ADGRV1: variants seen among roughly 807,000 people sequenced by gnomAD.
ADGRV1 encodes the protein adhesion G protein-coupled receptor V1, also known as G-protein coupled receptor 98.
Under a neutral mutation model 596.2 loss-of-function variants are expected in ADGRV1, and 359 were observed. That is an observed-to-expected ratio of 0.60 (90% confidence interval 0.55 to 0.66). The LOEUF is 0.66. Among genes scored for constraint, ADGRV1 ranks in the 30% least tolerant of loss-of-function variants. The probability of loss-of-function intolerance (pLI) is 0.00; values close to 1 mark genes in which losing one functional copy is unlikely to be tolerated. For synonymous variants in ADGRV1, 2,681 were observed against 2,679.2 expected, an observed-to-expected ratio of 1.00 and a Z score of -0.02; for missense variants, 7,274 against 7,575.6, an observed-to-expected ratio of 0.96 and a Z score of 1.48.
chr5:90,648,668 TTTC>T (rs1243549775), intron 17 of ADGRV1, among the ~76,000 whole-genome samples: 5 of 152,232 alleles, frequency 3.3e-5, no homozygotes, highest in Non-Finnish European at 7.3e-5. Flanking sequence ...TCTCTTTGAC[TTTC>T]TTCATTGCTG....
chr5:90,709,085 AC>A, intron 39 of ADGRV1, among the ~76,000 whole-genome samples, 176 bp downstream of exon 39: 1 of 152,306 alleles, frequency 6.6e-6, no homozygotes, highest in Non-Finnish European at 1.5e-5. Context: ...TTTACAATGA[AC>A]AATGTAAAGA....
intron 77 of ADGRV1, among the ~76,000 whole-genome samples, chr5:90,835,898 C>A (rs1465385818): frequency 6.6e-6 from 1 of 152,092 alleles, no homozygotes; most frequent in Non-Finnish European, 1.5e-5. Flanking sequence ...AAGGAAAGAA[C>A]TTTGGAACAT....
intron 13 of ADGRV1, 85 bp from the exon 14 acceptor site, chr5:90,643,718 A>G (rs2149432842): frequency 9.7e-7 from 1 of 1,035,032 alleles, no homozygotes; most frequent in Non-Finnish European, 1.4e-6. Context: ...CTTTGAGTAT[A>G]TTAATATTCT....
At chr5:90,643,213 C>G (rs1431571016) in intron 13 of ADGRV1, among the ~76,000 whole-genome samples, 172 bp downstream of exon 13, 1 of 152,082 alleles carries the variant, frequency 6.6e-6, no homozygotes, top group Non-Finnish European at 1.5e-5. Context: ...AAAATGAAGA[C>G]TCATTCATAT....
intron 84 of ADGRV1, 30 bp from the exon 85 acceptor site, chr5:90,985,314 C>T (rs1034616058): frequency 1.3e-6 from 2 of 1,529,320 alleles, no homozygotes; most frequent in African/African-American, 2.7e-5. Context: ...AAAGAAGAGC[C>T]TGTTCATTTT....
chr5:90,917,327 A>G (rs1177199834), intron 83 of ADGRV1, among the ~76,000 whole-genome samples: 1 of 152,250 alleles, frequency 6.6e-6, no homozygotes. Context: ...AGAGAGATGT[A>G]TACAGTGATG....
chr5:91,108,940 A>G (rs1275507478), intron 87 of ADGRV1, among the ~76,000 whole-genome samples: 1 of 152,108 alleles, frequency 6.6e-6, no homozygotes, highest in Non-Finnish European at 1.5e-5. Context: ...AAGTAAGAAA[A>G]TCTTGATCAC....
Position 90,807,735 on chromosome 5 carries a change from C to G in ADGRV1, c.14970C>G (p.Leu4990=), listed in dbSNP as rs368420512. ...VQSSAPGGAQ[L]RSGFIVAEIE... is the part of the protein sequence containing the mutation. ...GCAGTGCTCCTGGCGGAGCTCAACT[C>G]CGGTAAGACCAACCTCATTCTCACC... The change falls in exon 73 of 90, where the codon CTC becomes CTG. Residue 4990 remains leucine, a splice_region_variant and synonymous_variant. Coordinates refer to ENST00000405460, the MANE Select transcript of ADGRV1 (RefSeq NM_032119.4). 1 of 1,542,462 alleles carries G rather than the reference C, an allele frequency of 6.5e-7. No individual in the cohort carries two copies.
At chr5:90,858,942 C>T (rs954789622) in intron 82 of ADGRV1, among the ~76,000 whole-genome samples, 1 of 152,158 alleles carries the variant, frequency 6.6e-6, no homozygotes. Flanking sequence ...TCTAAAAAGC[C>T]ACCCAAAATG....
At chr5:90,699,687 G>C (rs765959023) in intron 34 of ADGRV1, among the ~76,000 whole-genome samples, 1 of 152,150 alleles carries the variant, frequency 6.6e-6, no homozygotes, top group Non-Finnish European at 1.5e-5. Context: ...TGGTGAGTTG[G>C]AGGGCTCTGA....
intron 83 of ADGRV1, among the ~76,000 whole-genome samples, chr5:90,929,053 T>C (rs917815151): frequency 1.3e-4 from 20 of 150,994 alleles, no homozygotes; most frequent in African/African-American, 2.9e-4. Flanking sequence ...GACAGGGACA[T>C]TTAAGTCTGC....
intron 85 of ADGRV1, among the ~76,000 whole-genome samples, chr5:90,994,505 A>C (rs1418455614): frequency 1.3e-5 from 2 of 152,234 alleles, no homozygotes; most frequent in Admixed American, 6.5e-5. Flanking sequence ...TTTTGAACAT[A>C]ATTAAAATAG....
intron 85 of ADGRV1, among the ~76,000 whole-genome samples, chr5:91,038,747 A>G (rs1785105339): frequency 6.6e-6 from 1 of 152,218 alleles, no homozygotes; most frequent in African/African-American, 2.4e-5. Flanking sequence ...CCAGAGCCCT[A>G]AGAACTAACT....
At chr5:90,656,182 G>A (rs1175241135) in intron 20 of ADGRV1, among the ~76,000 whole-genome samples, 1 of 152,162 alleles carries the variant, frequency 6.6e-6, no homozygotes. Flanking sequence ...ATTAGTCATA[G>A]AAGCAAAGTG....
At chr5:90,920,484 T>C (rs953019865) in intron 83 of ADGRV1, among the ~76,000 whole-genome samples, 4 of 152,214 alleles carry the variant, frequency 2.6e-5, no homozygotes, top group African/African-American at 9.6e-5. Flanking sequence ...CTTTTCATTA[T>C]TTTACATTCA....
intron 86 of ADGRV1, among the ~76,000 whole-genome samples, chr5:91,096,875 A>G (rs1393237017): frequency 6.6e-6 from 1 of 152,084 alleles, no homozygotes; most frequent in Non-Finnish European, 1.5e-5. Context: ...ATAACTCACT[A>G]TTCTGCACTC....
In ADGRV1 at chr5:91,142,132, G is replaced by C. The variant is rs542107174; in HGVS notation, c.18433-7898G>C. Among the ~76,000 whole-genome samples the C allele has an allele frequency of 2.0e-5, 3 of 152,240 alleles. No homozygotes were observed. In the East Asian group the frequency reaches 5.8e-4, roughly 29 times the overall value. ...TAGCTATAGTGGTGATAGAATTAGA[G>C]GACTGAAACCAACACATCCCTCAGA... On this transcript the variant is annotated intron_variant, in intron 87 of 89. Transcript: ENST00000405460.
chr5:90,804,982 A>G (rs201661377), intron 71 of ADGRV1: 1 of 196,650 alleles, frequency 5.1e-6, no homozygotes, highest in African/African-American at 2.3e-5. Flanking sequence ...GTCATATTAA[A>G]TGCCATTTAA....
intron 83 of ADGRV1, among the ~76,000 whole-genome samples, chr5:90,870,325 T>C (rs1768541025): frequency 6.6e-6 from 1 of 152,058 alleles, no homozygotes; most frequent in Admixed American, 6.6e-5. Context: ...CTAAAGAGAC[T>C]AAGAGATATT....
Sources: gnomAD v4.1 joint callset for allele counts (sites outside exome capture counted in the v4.1 genomes callset) on GRCh38, gnomAD v4.1.1 for gene constraint, MANE v1.5 for transcripts, NCBI Gene and HGNC (gene_info 2026-07-23, HGNC 2026-07-21) for gene names.